Variants in RSRC1 observed in about 807,000 individuals in gnomAD.
RSRC1 encodes serine/Arginine-related protein 53.
Under a neutral mutation model 49.1 loss-of-function variants are expected in RSRC1, and 39 were observed. That is an observed-to-expected ratio of 0.79 (90% confidence interval 0.61 to 1.04). The LOEUF (loss-of-function observed/expected upper bound fraction) is 1.04. Among genes scored for constraint, RSRC1 ranks in the 50% least tolerant of loss-of-function variants. The pLI, the probability that RSRC1 is intolerant of heterozygous loss-of-function variation, is 0.00. For missense variants in RSRC1, 388 were observed against 402.4 expected (o/e 0.96, Z 0.31); for synonymous variants, 143 against 130.8 (o/e 1.09, Z -0.63).
At chr3:158,163,511 A>C (rs1487934706) in intron 3 of RSRC1, among the ~76,000 whole-genome samples, 1 of 152,234 alleles carries the variant, frequency 6.6e-6, no homozygotes, top group East Asian at 1.9e-4. Flanking sequence ...TCATAGATCT[A>C]TTTATATTCA....
intron 6 of RSRC1, among the ~76,000 whole-genome samples, chr3:158,445,723 G>A (rs1280784738): frequency 6.6e-6 from 1 of 151,926 alleles, no homozygotes; most frequent in Non-Finnish European, 1.5e-5. Flanking sequence ...TTTCCAAAAT[G>A]GACCATTTTT....
intron 5 of RSRC1, among the ~76,000 whole-genome samples, chr3:158,347,304 A>C (rs1195313588): frequency 6.6e-6 from 1 of 152,148 alleles, no homozygotes; most frequent in African/African-American, 2.4e-5. Flanking sequence ...GAAAGTAATA[A>C]ATTTCGGTTG....
At chr3:158,427,855 T>A (rs1217745249) in intron 6 of RSRC1, among the ~76,000 whole-genome samples, 1 of 151,808 alleles carries the variant, frequency 6.6e-6, no homozygotes, top group Non-Finnish European at 1.5e-5. Context: ...TTGCCTATTG[T>A]TGAGTATTTA....
intron 6 of RSRC1, among the ~76,000 whole-genome samples, chr3:158,386,162 C>T (rs988829941): frequency 5.9e-5 from 9 of 151,896 alleles, no homozygotes; most frequent in South Asian, 2.1e-4. Flanking sequence ...ACAGTATATG[C>T]TTTAAAAAAA....
intron 3 of RSRC1, among the ~76,000 whole-genome samples, chr3:158,199,929 A>G (rs778241706): frequency 2.0e-5 from 3 of 152,114 alleles, no homozygotes; most frequent in South Asian, 2.1e-4. Context: ...TGAAGTATCC[A>G]TTTTTATTTT....
At chr3:158,239,356 C>T (rs536496915) in intron 4 of RSRC1, among the ~76,000 whole-genome samples, 7 of 152,294 alleles carry the variant, frequency 4.6e-5, no homozygotes, top group African/African-American at 1.7e-4. Context: ...AATTCCATTA[C>T]TGGGTGTATA....
rs77646064 is a variant in RSRC1 at position 158,378,898 on chromosome 3, C to T, written c.583+23990C>T. On this transcript the variant is annotated intron_variant, in intron 6 of 9. Transcript: ENST00000611884. ...TTTCTTCCAAGTTTCAGCTTCCCTCCAAAATCTGTTTATTCACTCTTCAGA... is the reference window on the plus strand; with the variant it reads ...TTTCTTCCAAGTTTCAGCTTCCCTCTAAAATCTGTTTATTCACTCTTCAGA... Among the ~76,000 whole-genome samples the T allele has an allele frequency of 2.2e-4, 34 of 152,304 alleles. No homozygotes were observed. In the East Asian group the frequency reaches 3.1e-3, roughly 14 times the overall value.
At chr3:158,424,172 T>C (rs1409207755) in intron 6 of RSRC1, among the ~76,000 whole-genome samples, 1 of 152,178 alleles carries the variant, frequency 6.6e-6, no homozygotes, top group East Asian at 1.9e-4. Flanking sequence ...TCAAAGGGAA[T>C]GCTTCCAGTT....
chr3:158,304,286 G>C (rs1727725154), intron 5 of RSRC1, among the ~76,000 whole-genome samples: 2 of 152,056 alleles, frequency 1.3e-5, no homozygotes, highest in Non-Finnish European at 2.9e-5. Context: ...TCCAATAAAA[G>C]CCCTTTCCTT....
At chr3:158,398,532 C>T (rs957110280) in intron 6 of RSRC1, among the ~76,000 whole-genome samples, 1 of 152,126 alleles carries the variant, frequency 6.6e-6, no homozygotes, top group African/African-American at 2.4e-5. Flanking sequence ...ATGTCCTAGT[C>T]ACCACCTAAA....
chr3:158,356,788 A>G (rs55971346), intron 6 of RSRC1, among the ~76,000 whole-genome samples: 1 of 152,244 alleles, frequency 6.6e-6, no homozygotes, highest in African/African-American at 2.4e-5. Context: ...CACAGAAAAC[A>G]TTTGTTTCCA....
intron 7 of RSRC1, among the ~76,000 whole-genome samples, chr3:158,476,253 C>T (rs1347926085): frequency 6.6e-6 from 1 of 152,108 alleles, no homozygotes. Flanking sequence ...TAGTAGTCTT[C>T]GTAACGTAAA....
chr3:158,143,074 T>G (rs1425882532), intron 3 of RSRC1, among the ~76,000 whole-genome samples: 1 of 152,196 alleles, frequency 6.6e-6, no homozygotes, highest in Non-Finnish European at 1.5e-5. Flanking sequence ...TTTTTGAAAG[T>G]CTAACCTTTG....
At chr3:158,237,395 C>A (rs1036153300) in intron 4 of RSRC1, among the ~76,000 whole-genome samples, 1 of 152,156 alleles carries the variant, frequency 6.6e-6, no homozygotes, top group Non-Finnish European at 1.5e-5. Context: ...AGGTATGTTT[C>A]ATTGCTAAAT....
chr3:158,381,623 A>G (rs1421636645), intron 6 of RSRC1, among the ~76,000 whole-genome samples: 1 of 152,182 alleles, frequency 6.6e-6, no homozygotes, highest in Non-Finnish European at 1.5e-5. Context: ...AACCTACTAC[A>G]CACCTAGGCT....
At chr3:158,415,648 A>G (rs914559971) in intron 6 of RSRC1, among the ~76,000 whole-genome samples, 1 of 152,090 alleles carries the variant, frequency 6.6e-6, no homozygotes, top group African/African-American at 2.4e-5. Context: ...CTTATTAATT[A>G]ATAGTGCTAT....
chr3:158,340,885 C>T (rs902691865), intron 5 of RSRC1, among the ~76,000 whole-genome samples: 19 of 152,272 alleles, frequency 1.2e-4, no homozygotes, highest in South Asian at 6.2e-4. Context: ...GATAGCGATA[C>T]GGACAATACA....
chr3:158,118,458 T>TGC (rs879879544), intron 1 of RSRC1, among the ~76,000 whole-genome samples: 37 of 119,874 alleles, frequency 3.1e-4, no homozygotes, highest in East Asian at 7.5e-4. Context: ...TGTGTGTGTG[T>TGC]GTGTGCGCGT....
chr3:158,137,037 A>G (rs994972125), intron 3 of RSRC1: 1 of 152,228 alleles, frequency 6.6e-6, no homozygotes, highest in African/African-American at 2.4e-5. Flanking sequence ...CAAAATAAAG[A>G]AGCCCAGACC....
Sources: gnomAD v4.1 joint callset for allele counts (sites outside exome capture counted in the v4.1 genomes callset) on GRCh38, gnomAD v4.1.1 for gene constraint, MANE v1.5 for transcripts, NCBI Gene and HGNC (gene_info 2026-07-23, HGNC 2026-07-21) for gene names.